The following ZPLD1 variants were observed in gnomAD, a reference collection of about 807,000 sequenced individuals.
ZPLD1 encodes zona pellucida like domain containing 1.
Under a neutral mutation model 47.2 loss-of-function variants are expected in ZPLD1, and 34 were observed. The observed-to-expected ratio is 0.72, with a 90% confidence interval of 0.55 to 0.96. ZPLD1 has a LOEUF of 0.96. Among genes scored for constraint, ZPLD1 ranks in the 40% least tolerant of loss-of-function variants. The probability of loss-of-function intolerance (pLI) is 0.00; values close to 1 mark genes in which losing one functional copy is unlikely to be tolerated. For missense variants in ZPLD1, 512 were observed against 505.8 expected, an observed-to-expected ratio of 1.01 and a Z score of -0.12; for synonymous variants, 176 against 186.2, an observed-to-expected ratio of 0.95 and a Z score of 0.45.
At chr3:102,468,863 A>T in intron 8 of ZPLD1, 101 bp from the exon 9 acceptor site, 1 of 1,115,664 alleles carries the variant, frequency 9.0e-7, no homozygotes, top group African/African-American at 1.6e-5. Context: ...GTTAGCTCTT[A>T]ATGTAATGGC....
chr3:102,434,157 A>C (rs1707052477), upstream of ZPLD1, among the ~76,000 whole-genome samples: 1 of 152,190 alleles, frequency 6.6e-6, no homozygotes, highest in African/African-American at 2.4e-5. Flanking sequence ...CATGAGTAAA[A>C]ATTAAATCTA....
chr3:102,393,447 A>G (rs1445811766), intron 7 of ZPLD1, among the ~76,000 whole-genome samples: 1 of 152,162 alleles, frequency 6.6e-6, no homozygotes, highest in Non-Finnish European at 1.5e-5. Flanking sequence ...GTGCAGTAAA[A>G]AGAATAAGAG....
At chr3:102,425,693 G>C (rs1012830446) in intron 8 of ZPLD1, among the ~76,000 whole-genome samples, 1 of 151,930 alleles carries the variant, frequency 6.6e-6, no homozygotes, top group African/African-American at 2.4e-5. Flanking sequence ...CTTTGACTAT[G>C]GTAGGGATAT....
At chr3:102,398,447 A>G (rs767610415) in intron 7 of ZPLD1, among the ~76,000 whole-genome samples, 7 of 152,084 alleles carry the variant, frequency 4.6e-5, no homozygotes, top group Non-Finnish European at 7.4e-5. Context: ...GTCAAGGGTG[A>G]TAATGAGATC....
chr3:102,393,864 T>G (rs1706529171), intron 7 of ZPLD1, among the ~76,000 whole-genome samples: 1 of 152,140 alleles, frequency 6.6e-6, no homozygotes, highest in East Asian at 1.9e-4. Flanking sequence ...TTACCTGAGA[T>G]CTTCGTGATT....
At chr3:102,455,158 G>C (rs1227360923) in intron 4 of ZPLD1, among the ~76,000 whole-genome samples, 1 of 152,138 alleles carries the variant, frequency 6.6e-6, no homozygotes, top group Non-Finnish European at 1.5e-5. Flanking sequence ...TGTGCTGTTA[G>C]GTTCATGCAT....
intron 3 of ZPLD1, among the ~76,000 whole-genome samples, chr3:102,441,641 G>A (rs1380645169): frequency 1.3e-5 from 2 of 152,062 alleles, no homozygotes; most frequent in Admixed American, 6.6e-5. Flanking sequence ...CATTAAATAA[G>A]CATTAAACCA....
At chr3:102,427,885 T>C (rs926101583) in intron 8 of ZPLD1, among the ~76,000 whole-genome samples, 7 of 152,212 alleles carry the variant, frequency 4.6e-5, no homozygotes. Context: ...CATTTTTTTT[T>C]CTTAAAAAAC....
At chr3:102,388,734 T>C (rs1706463089) in intron 6 of ZPLD1, among the ~76,000 whole-genome samples, 1 of 152,114 alleles carries the variant, frequency 6.6e-6, no homozygotes, top group African/African-American at 2.4e-5. Flanking sequence ...TTTTGATAGG[T>C]TTATTTTAGA....
chr3:102,404,676 A>T (rs1403027914), intron 7 of ZPLD1, among the ~76,000 whole-genome samples: 1 of 152,132 alleles, frequency 6.6e-6, no homozygotes, highest in South Asian at 2.1e-4. Context: ...CACAACTGTA[A>T]GTAGAGGCCA....
chr3:102,401,228 C>G (rs1320806419), intron 7 of ZPLD1, among the ~76,000 whole-genome samples: 2 of 152,024 alleles, frequency 1.3e-5, no homozygotes, highest in African/African-American at 2.4e-5. Flanking sequence ...ATCTCTTTCT[C>G]TCTCATATAG....
intron 7 of ZPLD1, among the ~76,000 whole-genome samples, chr3:102,409,307 C>T (rs1706725002): frequency 6.6e-6 from 1 of 151,734 alleles, no homozygotes; most frequent in Non-Finnish European, 1.5e-5. Flanking sequence ...GGAGGACACT[C>T]CTTGTTCTCG....
intron 4 of ZPLD1, among the ~76,000 whole-genome samples, chr3:102,454,375 G>A (rs1254756076): frequency 6.6e-6 from 1 of 152,130 alleles, no homozygotes; most frequent in African/African-American, 2.4e-5. Flanking sequence ...TGTGTGGAAG[G>A]AAAGAGCCTA....
intron 2 of ZPLD1, among the ~76,000 whole-genome samples, chr3:102,437,277 AT>A (rs555655464): frequency 7.6e-4 from 116 of 152,178 alleles, no homozygotes; most frequent in African/African-American, 1.3e-3. Context: ...CTGAATTAAT[AT>A]TTTTTTTCAG....
At chr3:102,431,671 G>A (rs1707017491), upstream of ZPLD1, among the ~76,000 whole-genome samples, 1 of 152,162 alleles carries the variant, frequency 6.6e-6, no homozygotes, top group African/African-American at 2.4e-5. Context: ...AATTTTGGGA[G>A]GCCGGGGTGT....
intron 8 of ZPLD1, among the ~76,000 whole-genome samples, chr3:102,426,794 TTCA>T (rs1706953684): frequency 6.6e-6 from 1 of 152,226 alleles, no homozygotes; most frequent in Admixed American, 6.5e-5. Context: ...TGGATGTGAT[TTCA>T]TCATGTCCAA....
chr3:102,409,311 G>A (rs1398788135), intron 7 of ZPLD1, among the ~76,000 whole-genome samples: 1 of 151,784 alleles, frequency 6.6e-6, no homozygotes, highest in African/African-American at 2.4e-5. Flanking sequence ...GACACTCCTT[G>A]TTCTCGAGAT....
chr3:102,432,866 C>T (rs1266106183), upstream of ZPLD1, among the ~76,000 whole-genome samples: 1 of 152,156 alleles, frequency 6.6e-6, no homozygotes, highest in Non-Finnish European at 1.5e-5. Flanking sequence ...CAATGTTCCC[C>T]CCAGCAAGCT....
chr3:102,438,719 T>C, intron 3 of ZPLD1, 126 bp downstream of exon 3: 1 of 600,910 alleles, frequency 1.7e-6, no homozygotes, highest in Non-Finnish European at 2.8e-6. Flanking sequence ...TATTAACAAA[T>C]GGCAAATGAC....
Sources: gnomAD v4.1 joint callset for allele counts (sites outside exome capture counted in the v4.1 genomes callset) on GRCh38, gnomAD v4.1.1 for gene constraint, MANE v1.5 for transcripts, NCBI Gene and HGNC (gene_info 2026-07-23, HGNC 2026-07-21) for gene names.